ESR2: variants seen among roughly 807,000 people sequenced by gnomAD.
The protein encoded by ESR2 is estrogen receptor beta.
In ESR2, 36 loss-of-function variants were observed where a neutral mutation model predicts 49.6. That is an observed-to-expected ratio of 0.73 (90% CI 0.56 to 0.96). The LOEUF (loss-of-function observed/expected upper bound fraction) is 0.96, where lower values mean the gene tolerates loss of function less well. Among genes scored for constraint, ESR2 ranks in the 40% least tolerant of loss-of-function variants. The probability of loss-of-function intolerance (pLI) is 0.00; values close to 1 mark genes in which losing one functional copy is unlikely to be tolerated. For missense variants in ESR2, 714 were observed against 693.0 expected (o/e 1.03, Z -0.34); for synonymous variants, 320 against 266.1 (o/e 1.20, Z -1.97).
chr14:64,235,246 G>T, intron 7 of ESR2, 96 bp from the exon 8 acceptor site: 11 of 1,362,458 alleles, frequency 8.1e-6, no homozygotes, highest in Non-Finnish European at 1.1e-5. Flanking sequence ...AGGTGATCTG[G>T]GTTGCTTTGA....
intron 1 of ESR2, among the ~76,000 whole-genome samples, chr14:64,328,235 A>C (rs1043880336): frequency 1.3e-5 from 2 of 151,660 alleles, no homozygotes; most frequent in African/African-American, 2.4e-5. Context: ...AAAATAAATA[A>C]ATAATGAAAC....
intron 1 of ESR2, among the ~76,000 whole-genome samples, chr14:64,292,232 GAAGTA>G (rs910145794): frequency 4.0e-5 from 5 of 125,946 alleles, no homozygotes; most frequent in African/African-American, 6.5e-5. Context: ...TCTTTCAAAA[GAAGTA>G]AAGGAAAATA....
intron 1 of ESR2, among the ~76,000 whole-genome samples, chr14:64,317,904 A>C (rs2077277472): frequency 6.6e-6 from 1 of 152,222 alleles, no homozygotes; most frequent in Non-Finnish European, 1.5e-5. Flanking sequence ...CATTACATTT[A>C]ATGGTGAAAG....
rs1182727323 is a variant in ESR2, at chr14:64,233,166, CTT to C, written c.1562_1563del (p.Lys521ArgfsTer25). On this transcript the variant is annotated frameshift_variant, in exon 9 of 9. Coordinates refer to ENST00000341099, the MANE Select transcript of ESR2 (RefSeq NM_001437.3). LOFTEE classifies it high-confidence loss of function. Reference sequence around the variant, plus strand: ...TGAGACTGTGGGTTCTGGGAGCCCTCTTTGCTTTTACTGTCCTCTGCCGGGCT... The same window carrying C: ...TGAGACTGTGGGTTCTGGGAGCCCTCTGCTTTTACTGTCCTCTGCCGGGCT... Reference protein sequence around the residue: ...ECSPAEDSKSKEGSQNPQSQ With the variant: ...ECSPAEDSKSXEGSQNPQSQ 2 of 1,613,984 alleles carry C rather than the reference CTT, an allele frequency of 1.2e-6. No homozygotes were observed. The highest frequency in any genetic ancestry group is 1.1e-5 in the South Asian group (1 of 91,076).
chr14:64,267,778 G>A (rs924222354), intron 4 of ESR2, among the ~76,000 whole-genome samples: 20 of 151,666 alleles, frequency 1.3e-4, no homozygotes, highest in Non-Finnish European at 2.2e-4. Context: ...CAGCTACTTG[G>A]GAGGCTGAGG....
At chr14:64,315,587 G>C (rs1432596026) in intron 1 of ESR2, among the ~76,000 whole-genome samples, 1 of 144,244 alleles carries the variant, frequency 6.9e-6, no homozygotes, top group Non-Finnish European at 1.5e-5. Flanking sequence ...CGATTCTCCT[G>C]TCTCAGCCTC....
Position 64,231,582 on chromosome 14 carries a change from G to A in ESR2, c.*1555C>T, listed in dbSNP as rs954519795. On this transcript the variant is annotated 3_prime_UTR_variant, in exon 9 of 9. Transcript: ENST00000341099. ...CCAATATCAAAATTATGGATTATTC[G>A]AGGTCTTACTAGCAAAAACCAGTCT... 2 of 152,142 alleles carry A rather than the reference G, an allele frequency of 1.3e-5. No homozygotes were observed. The highest frequency in any genetic ancestry group is 2.1e-4 in the South Asian group (1 of 4,826). The allele number at this position is 152,142 out of a possible 1,614,324, so 9.4% of individuals were successfully genotyped here.
chr14:64,335,588 C>T (rs1197473916), intron 1 of ESR2, among the ~76,000 whole-genome samples: 1 of 152,146 alleles, frequency 6.6e-6, no homozygotes, highest in African/African-American at 2.4e-5. Context: ...GTGACCTCAT[C>T]TAAATCAAAC....
chr14:64,250,997 G>A (rs1282502662), intron 6 of ESR2, among the ~76,000 whole-genome samples: 1 of 152,134 alleles, frequency 6.6e-6, no homozygotes, highest in South Asian at 2.1e-4. Context: ...TAAGTACACA[G>A]GTTAAGTGAC....
intron 1 of ESR2, among the ~76,000 whole-genome samples, chr14:64,283,334 T>C (rs1237824871): frequency 6.6e-6 from 1 of 152,112 alleles, no homozygotes; most frequent in Non-Finnish European, 1.5e-5. Context: ...AAATTTATTA[T>C]AAAATAGTCT....
chr14:64,241,102 C>T (rs900374110), intron 7 of ESR2, among the ~76,000 whole-genome samples: 2 of 141,100 alleles, frequency 1.4e-5, no homozygotes, highest in African/African-American at 2.8e-5. Flanking sequence ...GCCGAGATTG[C>T]GCCACTGCAC....
chr14:64,316,213 T>TA (rs1032243588), intron 1 of ESR2, among the ~76,000 whole-genome samples: 1 of 150,738 alleles, frequency 6.6e-6, no homozygotes, highest in African/African-American at 2.4e-5. Context: ...GGTCTCACTC[T>TA]ATTGCCCAGG....
chr14:64,292,002 G>GA (rs1268001553), intron 1 of ESR2, among the ~76,000 whole-genome samples: 1 of 151,852 alleles, frequency 6.6e-6, no homozygotes, highest in Non-Finnish European at 1.5e-5. Context: ...TTCAATTCAG[G>GA]ATAACTAATG....
intron 1 of ESR2, among the ~76,000 whole-genome samples, chr14:64,302,735 C>T (rs1210517825): frequency 6.6e-6 from 1 of 152,208 alleles, no homozygotes; most frequent in Admixed American, 6.5e-5. Flanking sequence ...TAAGACCCGA[C>T]AAGCTTCAGC....
intron 4 of ESR2, among the ~76,000 whole-genome samples, chr14:64,268,275 T>G (rs1172406879): frequency 6.6e-6 from 1 of 152,268 alleles, no homozygotes; most frequent in Non-Finnish European, 1.5e-5. Context: ...GTACTTTTCA[T>G]AGTTCCATTA....
intron 3 of ESR2, among the ~76,000 whole-genome samples, chr14:64,271,436 C>G (rs1219821395): frequency 1.3e-5 from 2 of 152,236 alleles, no homozygotes; most frequent in Non-Finnish European, 2.9e-5. Flanking sequence ...AGCAATTCTC[C>G]TGCCTCAGCC....
chr14:64,319,826 C>A (rs1425561548), intron 1 of ESR2, among the ~76,000 whole-genome samples: 2 of 152,122 alleles, frequency 1.3e-5, no homozygotes, highest in African/African-American at 4.8e-5. Flanking sequence ...TCATTCATTG[C>A]TGATGGAAAT....
In ESR2 at chr14:64,247,351, A is replaced by AC. The variant is rs56234935; in HGVS notation, c.1225+2194_1225+2195insG. Among the ~76,000 whole-genome samples the AC allele has an allele frequency of 3.3e-5, 5 of 150,232 alleles. No individual in the cohort carries two copies. In the East Asian group the frequency reaches 7.8e-4, roughly 23 times the overall value. On this transcript the variant is annotated intron_variant, in intron 7 of 8. Coordinates refer to ENST00000341099, the MANE Select transcript of ESR2 (RefSeq NM_001437.3). The stretch of plus-strand genomic sequence containing the variant: ...TGTCTCAAAACAAACAAACAAACAA[A>AC]AAAACTAGTGCCAATATCCAAGAGT...
At chr14:64,249,771 C>A in intron 6 of ESR2, 92 bp from the exon 7 acceptor site, 5 of 1,270,904 alleles carry the variant, frequency 3.9e-6, no homozygotes, top group Non-Finnish European at 5.5e-6. Flanking sequence ...TCTCAAGTTT[C>A]ATCTTGTAAC....
Sources: gnomAD v4.1 joint callset for allele counts (sites outside exome capture counted in the v4.1 genomes callset) on GRCh38, gnomAD v4.1.1 for gene constraint, MANE v1.5 for transcripts, NCBI Gene and HGNC (gene_info 2026-07-23, HGNC 2026-07-21) for gene names.